Variants in CERT1 observed in about 807,000 individuals in gnomAD.
CERT1 encodes the protein ceramide transporter 1.
Under a neutral mutation model 87.9 loss-of-function variants are expected in CERT1, and 31 were observed. The ratio of observed to expected loss-of-function variants is 0.35; its 90% CI spans 0.27 to 0.48. The LOEUF is 0.48. Ranked by LOEUF, CERT1 falls within the 20% of genes least tolerant of loss-of-function variation. CERT1 has a pLI of 0.99. For synonymous variants in CERT1, 289 were observed against 250.9 expected (o/e 1.15, Z -1.44); for missense variants, 487 against 758.0 (o/e 0.64, Z 4.20).
At chr5:75,386,123 T>C (rs1186843780) in intron 12 of CERT1, 89 bp from the exon 13 acceptor site, 1 of 1,009,642 alleles carries the variant, frequency 9.9e-7, no homozygotes, top group African/African-American at 1.7e-5. Flanking sequence ...AGCTGCTCTT[T>C]AGATTTTTAT....
chr5:75,400,074 G>C (rs571756054), intron 10 of CERT1, 131 bp downstream of exon 10: 5 of 649,778 alleles, frequency 7.7e-6, no homozygotes, highest in East Asian at 2.8e-5. Context: ...GGAGACTGTA[G>C]TGAGCCGAGA....
chr5:75,455,018 G>A (rs1265600865), intron 3 of CERT1, among the ~76,000 whole-genome samples: 1 of 152,160 alleles, frequency 6.6e-6, no homozygotes, highest in Non-Finnish European at 1.5e-5. Flanking sequence ...AAAAGGTCAT[G>A]GTCACTGTTT....
intron 3 of CERT1, among the ~76,000 whole-genome samples, chr5:75,435,200 TC>T (rs1374380566): frequency 6.6e-6 from 1 of 152,244 alleles, no homozygotes; most frequent in African/African-American, 2.4e-5. Context: ...GCTATGAGAT[TC>T]TTTCTTCAGC....
chr5:75,460,649 G>A (rs916043265), intron 2 of CERT1, among the ~76,000 whole-genome samples: 1 of 152,140 alleles, frequency 6.6e-6, no homozygotes, highest in African/African-American at 2.4e-5. Flanking sequence ...AAAAGAATCC[G>A]CTCTGGGCAA....
rs189168831 is a variant in CERT1 at position 75,455,206 on chromosome 5, C to A, written c.348+3859G>T. Among the ~76,000 whole-genome samples, 61 of 152,294 alleles carry A rather than the reference C, an allele frequency of 4.0e-4. 1 individual carries two copies. The highest frequency in any genetic ancestry group is 3.3e-4 in the Admixed American group (5 of 15,302). On this transcript the variant is annotated intron_variant, in intron 3 of 16. Coordinates refer to ENST00000643780, the MANE Select transcript of CERT1 (RefSeq NM_001379029.1). ...ACTGCACATTGCACAACCAATGTTT[C>A]AAAAGTTGAACAAACTGGGCTACAA...
At position 75,402,690 on chromosome 5, in the gene CERT1, C is replaced by T. The variant is rs377055722; in HGVS notation, c.1017+282G>A. ...TGGCGCGCACCTGTAGTCCCAGCTA[C>T]TCGGGAGGCTGAGGCAGAAGAATCG... On this transcript the variant is annotated intron_variant, in intron 9 of 16. Coordinates refer to ENST00000643780, the MANE Select transcript of CERT1 (RefSeq NM_001379029.1). 5.1e-5 allele frequency: 11 copies of T among 216,002 alleles called. No homozygotes were observed. In the South Asian group the frequency reaches 6.8e-4, roughly 13 times the overall value. The allele number at this position is 216,002 out of a possible 1,614,324, so 13.4% of individuals were successfully genotyped here.
intron 2 of CERT1, among the ~76,000 whole-genome samples, chr5:75,461,557 T>C (rs1027233244): frequency 6.6e-6 from 1 of 152,180 alleles, no homozygotes; most frequent in Non-Finnish European, 1.5e-5. Flanking sequence ...CCATGATAAT[T>C]CCCATTATAT....
Position 75,393,602 on chromosome 5 carries a change from T to TAAAAAAAAAAAAAAAA in CERT1, c.1189-3931_1189-3916dup, listed in dbSNP as rs60898983. Among the ~76,000 whole-genome samples the TAAAAAAAAAAAAAAAA allele has an allele frequency of 5.8e-3, 191 of 32,688 alleles. 7 individuals carry two copies. The highest frequency in any genetic ancestry group is 9.3e-3 in the African/African-American group (97 of 10,430). 21.4% of individuals were successfully genotyped at this position (32,688 alleles called of 152,430 possible). A position where few individuals can be genotyped will look rare whatever the true frequency, so the allele number is the denominator to read the frequency against. On this transcript the variant is annotated intron_variant, in intron 11 of 16. Transcript: ENST00000643780. The stretch of plus-strand genomic sequence containing the variant: ...GCAACATAGCAAGACCTCATCTACT[T>TAAAAAAAAAAAAAAAA]AAAAAAAAAAAAAAAAAAAAAGAAA...
At chr5:75,383,240 AT>A (rs1449531130) in intron 14 of CERT1, among the ~76,000 whole-genome samples, 2 of 152,046 alleles carry the variant, frequency 1.3e-5, no homozygotes, top group Non-Finnish European at 2.9e-5. Flanking sequence ...TTCCAGGACA[AT>A]TTGTTTATTC....
In CERT1 at chr5:75,419,417, T is replaced by A. The variant is rs772986838; in HGVS notation, c.603A>T (p.Glu201Asp). 5.6e-6 allele frequency: 9 copies of A among 1,602,938 alleles called. No homozygotes were observed. Among genetic ancestry groups the A allele is most frequent in the Non-Finnish European group, 7.7e-6 (9 of 1,170,252 alleles). Residue 201 changes from glutamate to aspartate, a missense_variant, in exon 6 of 17, where the codon GAA becomes GAT. Physicochemically the swap from Glu to Asp is conservative, Grantham distance 45. Coordinates refer to ENST00000643780, the MANE Select transcript of CERT1 (RefSeq NM_001379029.1). ...TTGTAGGAAAGTCATCTTCATCATCTTCTACCACTAAATAAAATATATTTA... is the reference window on the plus strand; with the variant it reads ...TTGTAGGAAAGTCATCTTCATCATCATCTACCACTAAATAAAATATATTTA... The part of the protein sequence containing the change: ...KDELQRDKVV[E>D]DDEDDFPTTR...
At chr5:75,383,516 T>C (rs1761668107) in intron 14 of CERT1, among the ~76,000 whole-genome samples, 3 of 152,234 alleles carry the variant, frequency 2.0e-5, no homozygotes, top group Middle Eastern at 3.4e-3. Flanking sequence ...ATTTACTAAA[T>C]TTTAGATTTC....
intron 2 of CERT1, among the ~76,000 whole-genome samples, chr5:75,483,721 G>C (rs1181697971): frequency 6.6e-6 from 1 of 151,984 alleles, no homozygotes; most frequent in Non-Finnish European, 1.5e-5. Context: ...TCTTAGAATA[G>C]TATATCCAGC....
At chr5:75,388,266 T>C (rs191733713) in intron 12 of CERT1, among the ~76,000 whole-genome samples, 246 of 152,278 alleles carry the variant, frequency 1.6e-3, no homozygotes, top group Non-Finnish European at 2.8e-3. Context: ...TCTTACTTTG[T>C]TCCTTATTCA....
intron 2 of CERT1, among the ~76,000 whole-genome samples, chr5:75,468,440 A>G (rs1415489958): frequency 6.6e-6 from 1 of 152,130 alleles, no homozygotes; most frequent in African/African-American, 2.4e-5. Flanking sequence ...CTGCCACAGT[A>G]AAAATCCAGT....
chr5:75,434,043 G>A (rs1763981790), intron 3 of CERT1, among the ~76,000 whole-genome samples: 1 of 152,150 alleles, frequency 6.6e-6, no homozygotes, highest in Non-Finnish European at 1.5e-5. Context: ...TAGGAGTGGT[G>A]AGAGTGGACA....
intron 2 of CERT1, among the ~76,000 whole-genome samples, chr5:75,503,873 T>TGAAA (rs1458397314): frequency 2.6e-5 from 1 of 38,352 alleles, no homozygotes; most frequent in African/African-American, 1.1e-4. Context: ...TTTAAATTTT[T>TGAAA]TGTTTAATTT....
At chr5:75,457,050 T>C (rs978163350) in intron 3 of CERT1, among the ~76,000 whole-genome samples, 20 of 152,224 alleles carry the variant, frequency 1.3e-4, no homozygotes, top group African/African-American at 4.3e-4. Context: ...ATTAAAAATA[T>C]AGAAATTAAT....
chr5:75,504,080 C>T (rs1006933150), intron 2 of CERT1, among the ~76,000 whole-genome samples: 3 of 151,760 alleles, frequency 2.0e-5, no homozygotes, highest in Admixed American at 6.6e-5. Context: ...TTACATCAAT[C>T]ATTATACTAT....
intron 3 of CERT1, among the ~76,000 whole-genome samples, chr5:75,443,102 T>G (rs1383821016): frequency 6.6e-6 from 1 of 152,168 alleles, no homozygotes; most frequent in Non-Finnish European, 1.5e-5. Context: ...ATTTGAATGT[T>G]CTTTTTTCCT....
Sources: allele counts gnomAD v4.1 joint callset (sites outside exome capture counted in the v4.1 genomes callset), GRCh38; gene constraint gnomAD v4.1.1; transcripts MANE v1.5; gene names NCBI Gene and HGNC (gene_info 2026-07-23, HGNC 2026-07-21).